Variants in SPATA17 observed in about 807,000 individuals in gnomAD.
SPATA17 encodes the protein spermatogenesis-associated protein 17.
SPATA17 carries 53 observed loss-of-function variants against 62.2 expected under a neutral mutation model. That is an observed-to-expected ratio of 0.85 (90% CI 0.68 to 1.07). The LOEUF is 1.07. Ranked by LOEUF, SPATA17 falls within the 50% of genes least tolerant of loss-of-function variation. The probability of loss-of-function intolerance (pLI) is 0.00; values close to 1 mark genes in which losing one functional copy is unlikely to be tolerated. For synonymous variants in SPATA17, 146 were observed against 146.8 expected (o/e 0.99, Z 0.04); for missense variants, 466 against 425.5 (o/e 1.10, Z -0.84).
intron 5 of SPATA17, among the ~76,000 whole-genome samples, chr1:217,705,248 ATTGT>A (rs1254268954): frequency 2.7e-5 from 4 of 149,808 alleles, no homozygotes; most frequent in Non-Finnish European, 6.0e-5. Context: ...TTTCATTGGG[ATTGT>A]TTGTTTTTTC....
chr1:217,848,657 T>C (rs1360771617), intron 9 of SPATA17, among the ~76,000 whole-genome samples: 1 of 152,174 alleles, frequency 6.6e-6, no homozygotes, highest in Admixed American at 6.5e-5. Flanking sequence ...AATTGATAAA[T>C]TGTTTTGATG....
At chr1:217,642,345 T>G (rs1360324856) in intron 1 of SPATA17, among the ~76,000 whole-genome samples, 1 of 152,220 alleles carries the variant, frequency 6.6e-6, no homozygotes, top group East Asian at 1.9e-4. Flanking sequence ...ACTCATAGTT[T>G]CCTATTTTAT....
intron 5 of SPATA17, among the ~76,000 whole-genome samples, chr1:217,696,753 C>A (rs1325534781): frequency 1.3e-5 from 2 of 152,016 alleles, no homozygotes. Flanking sequence ...TCATCTATAC[C>A]AACCCTAAAG....
intron 9 of SPATA17, among the ~76,000 whole-genome samples, chr1:217,816,374 CTA>C (rs1674717025): frequency 1.3e-5 from 2 of 151,582 alleles, no homozygotes; most frequent in South Asian, 2.1e-4. Context: ...CCTTAATGTG[CTA>C]TGTTTTAATG....
At chr1:217,741,491 G>A (rs746875072) in intron 5 of SPATA17, among the ~76,000 whole-genome samples, 12 of 152,086 alleles carry the variant, frequency 7.9e-5, no homozygotes, top group Non-Finnish European at 1.6e-4. Context: ...AGTGTCAACT[G>A]AAGTAAACCT....
intron 5 of SPATA17, among the ~76,000 whole-genome samples, chr1:217,736,788 G>A (rs1028061958): frequency 1.3e-5 from 2 of 152,158 alleles, no homozygotes; most frequent in Non-Finnish European, 1.5e-5. Flanking sequence ...TTGTACATTA[G>A]AATTATTTAC....
At chr1:217,657,043 C>T (rs1670460723) in intron 3 of SPATA17, among the ~76,000 whole-genome samples, 1 of 152,122 alleles carries the variant, frequency 6.6e-6, no homozygotes, top group Non-Finnish European at 1.5e-5. Context: ...ATGGAGCCTT[C>T]ATTCAAAAGA....
At chr1:217,698,974 T>A (rs184826928) in intron 5 of SPATA17, among the ~76,000 whole-genome samples, 1 of 152,248 alleles carries the variant, frequency 6.6e-6, no homozygotes, top group African/African-American at 2.4e-5. Context: ...GATACTGTTA[T>A]GTCAAATCTT....
At chr1:217,654,747 C>T (rs562723974) in intron 3 of SPATA17, among the ~76,000 whole-genome samples, 138 of 146,270 alleles carry the variant, frequency 9.4e-4, no homozygotes, top group African/African-American at 3.2e-3. Flanking sequence ...GACAGAGTCT[C>T]GCTCTGTCGT....
At chr1:217,850,600 T>A (rs930111352) in intron 9 of SPATA17, 1 of 1,595,850 alleles carries the variant, frequency 6.3e-7, no homozygotes, top group African/African-American at 1.3e-5. Flanking sequence ...AGGGTGATGG[T>A]CTTGCCAGTC....
intron 5 of SPATA17, among the ~76,000 whole-genome samples, chr1:217,733,383 T>C (rs1672440410): frequency 6.6e-6 from 1 of 152,202 alleles, no homozygotes. Flanking sequence ...TGCTCCTCTG[T>C]ATCCCTGCTC....
intron 9 of SPATA17, among the ~76,000 whole-genome samples, chr1:217,809,781 C>T (rs115595891): frequency 0.015 from 2,230 of 152,340 alleles, 29 homozygotes; most frequent in Non-Finnish European, 0.023. Context: ...TGAGAACAAA[C>T]TCAAGCCATA....
intron 9 of SPATA17, among the ~76,000 whole-genome samples, chr1:217,814,311 A>G (rs1373906770): frequency 2.0e-5 from 3 of 152,184 alleles, no homozygotes; most frequent in African/African-American, 7.2e-5. Flanking sequence ...AGATCTCTCC[A>G]TTAGATTATT....
chr1:217,676,187 G>T (rs1450387792), intron 4 of SPATA17, among the ~76,000 whole-genome samples: 1 of 152,096 alleles, frequency 6.6e-6, no homozygotes, highest in Non-Finnish European at 1.5e-5. Flanking sequence ...GAATATTCAG[G>T]CTGTGGCCTC....
intron 5 of SPATA17, among the ~76,000 whole-genome samples, chr1:217,732,029 T>G (rs1232660095): frequency 6.6e-6 from 1 of 152,004 alleles, no homozygotes; most frequent in East Asian, 1.9e-4. Flanking sequence ...AAATCTATCC[T>G]TTTCCCCTCT....
At chr1:217,834,416 T>C (rs1675214469) in intron 9 of SPATA17, among the ~76,000 whole-genome samples, 2 of 152,226 alleles carry the variant, frequency 1.3e-5, no homozygotes, top group East Asian at 3.9e-4. Flanking sequence ...GACAGCTCCA[T>C]GTGTGTTATT....
intron 5 of SPATA17, among the ~76,000 whole-genome samples, chr1:217,710,528 T>C (rs1671834591): frequency 6.6e-6 from 1 of 152,192 alleles, no homozygotes; most frequent in Non-Finnish European, 1.5e-5. Flanking sequence ...TTGTTATTCA[T>C]CAAAATGAAT....
chr1:217,809,415 G>A (rs1006420507), intron 9 of SPATA17, among the ~76,000 whole-genome samples: 7 of 152,132 alleles, frequency 4.6e-5, no homozygotes, highest in Non-Finnish European at 7.3e-5. Flanking sequence ...AAGACAAGAA[G>A]CTTATTTAGC....
intron 5 of SPATA17, among the ~76,000 whole-genome samples, chr1:217,706,986 A>T (rs1421726272): frequency 4.0e-5 from 6 of 150,344 alleles, no homozygotes; most frequent in African/African-American, 1.5e-4. Context: ...CCTGCCTCAG[A>T]CTCCCAAATA....
Sources: gnomAD v4.1 joint callset for allele counts (sites outside exome capture counted in the v4.1 genomes callset) on GRCh38, gnomAD v4.1.1 for gene constraint, MANE v1.5 for transcripts, NCBI Gene and HGNC (gene_info 2026-07-23, HGNC 2026-07-21) for gene names.